FRMD6: variants seen among roughly 807,000 people sequenced by gnomAD.
FRMD6 encodes FERM domain-containing protein 6.
In FRMD6, 37 loss-of-function variants were observed where a neutral mutation model predicts 73.2. The observed-to-expected ratio is 0.51, with a 90% confidence interval of 0.39 to 0.66. The LOEUF (loss-of-function observed/expected upper bound fraction) is 0.66. FRMD6 is among the 30% of genes least tolerant of loss of function. The pLI, the probability that FRMD6 is intolerant of heterozygous loss-of-function variation, is 0.00. For missense variants in FRMD6, 714 were observed against 780.5 expected (o/e 0.91, Z 1.02); for synonymous variants, 273 against 282.2 (o/e 0.97, Z 0.33).
chr14:51,412,891 A>C, the FRMD6 span, among the ~76,000 whole-genome samples: 1 of 152,116 alleles, frequency 6.6e-6, no homozygotes, highest in Non-Finnish European at 1.5e-5. Flanking sequence ...ACACAGACAA[A>C]AATGGGACAG....
chr14:51,430,649 C>T, the FRMD6 span, among the ~76,000 whole-genome samples: 1,932 of 152,144 alleles, frequency 0.013, 36 homozygotes, highest in African/African-American at 0.044. Flanking sequence ...TTCTTCTCCC[C>T]GCTTAAATCA....
chr14:51,601,331 G>T (rs563505996), intron 2 of FRMD6, among the ~76,000 whole-genome samples: 2 of 152,326 alleles, frequency 1.3e-5, no homozygotes, highest in East Asian at 1.9e-4. Flanking sequence ...TGCCCCAGGG[G>T]TGTAGGATGT....
At chr14:51,498,209 A>T (rs1318192369) in intron 1 of FRMD6, among the ~76,000 whole-genome samples, 1 of 152,252 alleles carries the variant, frequency 6.6e-6, no homozygotes, top group Non-Finnish European at 1.5e-5. Flanking sequence ...AGCATTAGCC[A>T]GACCCATAAG....
At chr14:51,591,537 G>A (rs7151960) in intron 2 of FRMD6, among the ~76,000 whole-genome samples, 52,642 of 152,080 alleles carry the variant, frequency 0.35, 10,137 homozygotes, top group South Asian at 0.42. Context: ...TAAATTCAGA[G>A]TACTAAAGAT....
intron 1 of FRMD6, chr14:51,570,258 G>T (rs1888059689): frequency 1.3e-5 from 2 of 152,320 alleles, no homozygotes; most frequent in South Asian, 4.1e-4. Context: ...TGGAATGGTG[G>T]TGTTTAATCT....
chr14:51,685,656 AATACTGTT>A (rs1395089511), intron 1 of FRMD6, among the ~76,000 whole-genome samples: 2 of 152,222 alleles, frequency 1.3e-5, no homozygotes, highest in Middle Eastern at 3.2e-3. Flanking sequence ...TTGTGTACTT[AATACTGTT>A]ATCCATTATA....
chr14:51,529,705 G>A (rs770731490), intron 1 of FRMD6, among the ~76,000 whole-genome samples: 20 of 152,158 alleles, frequency 1.3e-4, no homozygotes, highest in African/African-American at 1.9e-4. Flanking sequence ...TGAGAGACAC[G>A]TGTCTTAAAC....
chr14:51,610,363 T>C (rs1890443973), intron 2 of FRMD6, among the ~76,000 whole-genome samples: 1 of 151,740 alleles, frequency 6.6e-6, no homozygotes, highest in Non-Finnish European at 1.5e-5. Flanking sequence ...CTGCAATCTT[T>C]GGTGACTTGC....
chr14:51,590,825 G>A (rs944359076), intron 2 of FRMD6, among the ~76,000 whole-genome samples: 9 of 152,244 alleles, frequency 5.9e-5, no homozygotes, highest in Non-Finnish European at 8.8e-5. Flanking sequence ...TGGTTGGAAG[G>A]CATCAAGCTG....
At chr14:51,688,880 T>G (rs1293347453) in intron 1 of FRMD6, among the ~76,000 whole-genome samples, 2 of 152,220 alleles carry the variant, frequency 1.3e-5, no homozygotes, top group Non-Finnish European at 2.9e-5. Context: ...TTCTATTACT[T>G]GCAAACAAAA....
chr14:51,602,033 A>G (rs1026819137), intron 2 of FRMD6, among the ~76,000 whole-genome samples: 3 of 148,552 alleles, frequency 2.0e-5, no homozygotes, highest in Non-Finnish European at 4.5e-5. Flanking sequence ...CCACTCAAAA[A>G]TGTTTTCCCC....
chr14:51,410,771 A>C, the FRMD6 span, among the ~76,000 whole-genome samples: 2 of 152,200 alleles, frequency 1.3e-5, no homozygotes, highest in African/African-American at 4.8e-5. Context: ...TCCAAAAAAC[A>C]GAATTATTTT....
intron 1 of FRMD6, chr14:51,522,983 T>C (rs1002395999): frequency 1.3e-5 from 2 of 152,218 alleles, no homozygotes; most frequent in African/African-American, 4.8e-5. Context: ...ATATAGGTTA[T>C]AGACATGATC....
intron 1 of FRMD6, among the ~76,000 whole-genome samples, chr14:51,561,643 C>G (rs1041063794): frequency 6.6e-6 from 1 of 152,162 alleles, no homozygotes; most frequent in Admixed American, 6.5e-5. Flanking sequence ...TGACTTCAAC[C>G]TGACATTGAC....
intron 2 of FRMD6, among the ~76,000 whole-genome samples, chr14:51,612,081 G>T (rs1426640025): frequency 2.0e-5 from 3 of 152,076 alleles, no homozygotes; most frequent in Admixed American, 1.3e-4. Flanking sequence ...ATTCCATAAT[G>T]AACACCAATT....
At chr14:51,549,437 G>C (rs1886656835) in intron 1 of FRMD6, among the ~76,000 whole-genome samples, 1 of 152,138 alleles carries the variant, frequency 6.6e-6, no homozygotes, top group South Asian at 2.1e-4. Flanking sequence ...AGCCTGTGGA[G>C]CGAGGTTTGG....
intron 1 of FRMD6, among the ~76,000 whole-genome samples, chr14:51,492,511 A>G (rs1303080434): frequency 1.3e-5 from 2 of 152,166 alleles, no homozygotes; most frequent in Admixed American, 6.5e-5. Flanking sequence ...ACCGAGACCT[A>G]TCCCCTTAAA....
At chr14:51,415,989 G>T in the FRMD6 span, among the ~76,000 whole-genome samples, 2 of 152,144 alleles carry the variant, frequency 1.3e-5, no homozygotes, top group African/African-American at 4.8e-5. Context: ...CTGTGGGATT[G>T]ATGGTGATAT....
the FRMD6 span, chr14:51,436,979 T>C: frequency 2.3e-6 from 2 of 865,384 alleles, 1 homozygote; most frequent in African/African-American, 3.4e-5. Context: ...CACTGATGGA[T>C]TCCAACCTTC....
Sources: allele counts gnomAD v4.1 joint callset (sites outside exome capture counted in the v4.1 genomes callset), GRCh38; gene constraint gnomAD v4.1.1; transcripts MANE v1.5; gene names NCBI Gene and HGNC (gene_info 2026-07-23, HGNC 2026-07-21).